CERS3: variants seen among roughly 807,000 people sequenced by gnomAD.
The protein encoded by CERS3 is ceramide synthase 3, also known as LAG1 homolog, ceramide synthase 3.
CERS3 carries 33 observed loss-of-function variants against 50.3 expected under a neutral mutation model. The observed-to-expected ratio is 0.66, with a 90% CI of 0.50 to 0.88. The LOEUF (loss-of-function observed/expected upper bound fraction) is 0.88. Among genes scored for constraint, CERS3 ranks in the 40% least tolerant of loss-of-function variants. The pLI, the probability that CERS3 is intolerant of heterozygous loss-of-function variation, is 0.00. For missense variants in CERS3, 470 were observed against 460.3 expected, an observed-to-expected ratio of 1.02 and a Z score of -0.19; for synonymous variants, 176 against 155.2, an observed-to-expected ratio of 1.13 and a Z score of -0.99.
chr15:100,467,850 T>TAGATTAG (rs1555528324), intron 10 of CERS3, among the ~76,000 whole-genome samples: 3 of 93,136 alleles, frequency 3.2e-5, no homozygotes, highest in African/African-American at 1.1e-4. Flanking sequence ...TATATATATA[T>TAGATTAG]ATAGATAGAT....
intron 8 of CERS3, among the ~76,000 whole-genome samples, chr15:100,474,458 G>T (rs2035061897): frequency 6.6e-6 from 1 of 151,282 alleles, no homozygotes; most frequent in Non-Finnish European, 1.5e-5. Context: ...AGGCTGCAGT[G>T]CAGTGGTGCG....
rs1162475657 is a variant in CERS3 at position 100,466,840 on chromosome 15, C to CCTCTCTCCCTCTCTCTCTCT, written c.845+2537_845+2538insAGAGAGAGAGAGGGAGAGAG. On this transcript the variant is annotated intron_variant, in intron 10 of 11. Transcript: ENST00000679737. ...CCCTCTCTCCCTCTCTCCCTCTCTCCCTCTCTCTTTCTCTCTTTCTTTCTT... is the reference window on the plus strand; with the variant it reads ...CCCTCTCTCCCTCTCTCCCTCTCTCCCTCTCTCCCTCTCTCTCTCTCTCTCTCTTTCTCTCTTTCTTTCTT... Among the ~76,000 whole-genome samples, 3 of 28,312 alleles carry CCTCTCTCCCTCTCTCTCTCT rather than the reference C, an allele frequency of 1.1e-4. 1 individual carries two copies. The highest frequency in any genetic ancestry group is 3.3e-4 in the African/African-American group (3 of 9,168). 18.6% of individuals were successfully genotyped at this position (28,312 alleles called of 152,430 possible). A position where few individuals can be genotyped will look rare whatever the true frequency, so the allele number is the denominator to read the frequency against.
upstream of CERS3, among the ~76,000 whole-genome samples, chr15:100,532,366 T>G (rs902278692): frequency 1.3e-5 from 2 of 152,202 alleles, no homozygotes; most frequent in Non-Finnish European, 2.9e-5. Context: ...CCGGCAAAAT[T>G]TTTGAGATTT....
At chr15:100,417,399 G>A (rs2142076253) in intron 11 of CERS3, among the ~76,000 whole-genome samples, 1 of 152,206 alleles carries the variant, frequency 6.6e-6, no homozygotes, top group Admixed American at 6.5e-5. Flanking sequence ...CGCACCACGA[G>A]ATTATATCCC....
At chr15:100,539,654 C>T (rs2037153278) in intron 1 of CERS3, among the ~76,000 whole-genome samples, 1 of 152,152 alleles carries the variant, frequency 6.6e-6, no homozygotes, top group South Asian at 2.1e-4. Context: ...GTTACTTCTA[C>T]CTGGTCTTTC....
In CERS3 at chr15:100,456,054, A is replaced by G; in HGVS notation, c.846-8T>C. The G allele has an allele frequency of 6.3e-7, 1 of 1,592,522 alleles. No homozygotes were observed. The highest frequency in any genetic ancestry group is 8.5e-7 in the Non-Finnish European group (1 of 1,170,790). Reference sequence around the variant, plus strand: ...AGCGTGCAATATAAAATCCTGAAACACCAAACAGTTGAGAGAATTTCATTA... The same window carrying G: ...AGCGTGCAATATAAAATCCTGAAACGCCAAACAGTTGAGAGAATTTCATTA... On this transcript the variant is annotated splice_polypyrimidine_tract_variant and splice_region_variant and intron_variant, in intron 10 of 11. Coordinates refer to ENST00000679737, the MANE Select transcript of CERS3 (RefSeq NM_001378789.1).
intron 10 of CERS3, among the ~76,000 whole-genome samples, chr15:100,458,911 G>A (rs1324010697): frequency 6.6e-6 from 1 of 152,152 alleles, no homozygotes; most frequent in East Asian, 1.9e-4. Flanking sequence ...TCAAGAGTTA[G>A]CAAACTTGTT....
At chr15:100,478,141 T>A (rs983252129) in intron 7 of CERS3, among the ~76,000 whole-genome samples, 8 of 151,806 alleles carry the variant, frequency 5.3e-5, no homozygotes, top group African/African-American at 1.9e-4. Context: ...AAAAACAGCT[T>A]AAAAGAGAAA....
chr15:100,442,745 G>C (rs970607458), intron 11 of CERS3, among the ~76,000 whole-genome samples: 1 of 152,214 alleles, frequency 6.6e-6, no homozygotes, highest in African/African-American at 2.4e-5. Flanking sequence ...AGATCTTCTC[G>C]GCTTAGCAGC....
At chr15:100,403,938 T>C (rs2030769025) in intron 11 of CERS3, among the ~76,000 whole-genome samples, 1 of 152,206 alleles carries the variant, frequency 6.6e-6, no homozygotes, top group Non-Finnish European at 1.5e-5. Context: ...GTGATTAAGA[T>C]CCTTGAGATG....
chr15:100,476,735 A>G (rs1015880303), intron 7 of CERS3, among the ~76,000 whole-genome samples: 1 of 152,194 alleles, frequency 6.6e-6, no homozygotes, highest in Non-Finnish European at 1.5e-5. Flanking sequence ...TAACAATTTT[A>G]TAGTGGGAGT....
Position 100,512,619 on chromosome 15 carries a change from T to A in CERS3, c.-2+9048A>T, listed in dbSNP as rs78936392. ...ATCCCAGAGGTGTGACTGCTTCTTA[T>A]ACCTGCTAGTCCTATATTCGTCAGA... On this transcript the variant is annotated intron_variant, in intron 2 of 11. Coordinates refer to ENST00000679737, the MANE Select transcript of CERS3 (RefSeq NM_001378789.1). Among the ~76,000 whole-genome samples, 3 of 152,302 alleles carry A rather than the reference T, an allele frequency of 2.0e-5. No homozygotes were observed. The East Asian group carries it at 5.8e-4, about 29-fold the overall frequency.
chr15:100,497,260 G>T lies in CERS3; in HGVS notation c.173+4417C>A, dbSNP rs80231845. On this transcript the variant is annotated intron_variant, in intron 3 of 11. Transcript: ENST00000679737. ...TTGCTCTTATATAGACATATATATA[G>T]AGAGAGAGACAGAGAGACACACACA... 3.1e-3 allele frequency among the ~76,000 whole-genome samples: 476 copies of T among 152,014 alleles called. 6 individuals carry two copies. The highest frequency in any genetic ancestry group is 9.0e-3 in the African/African-American group (374 of 41,478).
intron 11 of CERS3, among the ~76,000 whole-genome samples, chr15:100,427,245 A>T (rs2032866624): frequency 6.6e-6 from 1 of 150,854 alleles, no homozygotes; most frequent in Non-Finnish European, 1.5e-5. Flanking sequence ...ACAGCGCTGC[A>T]TCCCTGTCTC....
At chr15:100,483,604 TACA>T (rs1244292867) in intron 5 of CERS3, among the ~76,000 whole-genome samples, 3 of 151,680 alleles carry the variant, frequency 2.0e-5, no homozygotes, top group African/African-American at 7.3e-5. Context: ...GGCAGTATGA[TACA>T]ACAAGAAATA....
rs138518588 is a variant in CERS3 at position 100,428,359 on chromosome 15, G to C, written c.1000-25494C>G. 4.3e-3 allele frequency among the ~76,000 whole-genome samples: 661 copies of C among 152,350 alleles called. 1 individual carries two copies. The highest frequency in any genetic ancestry group is 7.0e-3 in the Non-Finnish European group (479 of 68,020). ...TCCCCTGGATGAGAAGACACTGGCA[G>C]TGGGAAAGCAATGAATAATTTGGGA... On this transcript the variant is annotated intron_variant, in intron 11 of 11. Transcript: ENST00000679737.
At chr15:100,467,149 C>T (rs2034772989) in intron 10 of CERS3, among the ~76,000 whole-genome samples, 2 of 152,042 alleles carry the variant, frequency 1.3e-5, no homozygotes, top group Admixed American at 1.3e-4. Flanking sequence ...GCCACTGCAC[C>T]TAGCCTGATT....
chr15:100,448,388 C>A (rs960363710), intron 11 of CERS3, among the ~76,000 whole-genome samples: 1 of 152,170 alleles, frequency 6.6e-6, no homozygotes, highest in Non-Finnish European at 1.5e-5. Context: ...TGGAGATACT[C>A]CCCAATGTGG....
At chr15:100,470,655 A>T (rs2034939116) in intron 9 of CERS3, among the ~76,000 whole-genome samples, 1 of 152,194 alleles carries the variant, frequency 6.6e-6, no homozygotes, top group African/African-American at 2.4e-5. Context: ...TGGGCAAAAC[A>T]TACACAGAAC....
Sources: gnomAD v4.1 joint callset for allele counts (sites outside exome capture counted in the v4.1 genomes callset) on GRCh38, gnomAD v4.1.1 for gene constraint, MANE v1.5 for transcripts, NCBI Gene and HGNC (gene_info 2026-07-23, HGNC 2026-07-21) for gene names.